Variants in SLC41A1 observed in about 807,000 individuals in gnomAD.
SLC41A1 encodes solute carrier family 41 (magnesium transporter), member 1.
In SLC41A1, 20 loss-of-function variants were observed where a neutral mutation model predicts 47.3. The observed-to-expected ratio is 0.42, with a 90% CI of 0.30 to 0.61. The LOEUF (loss-of-function observed/expected upper bound fraction) is 0.61, where lower values mean the gene tolerates loss of function less well. Ranked by LOEUF, SLC41A1 falls within the 20% of genes least tolerant of loss-of-function variation. The probability of loss-of-function intolerance (pLI) is 0.17; values close to 1 mark genes in which losing one functional copy is unlikely to be tolerated. For synonymous variants in SLC41A1, 282 were observed against 272.7 expected, an observed-to-expected ratio of 1.03 and a Z score of -0.34; for missense variants, 504 against 674.1, an observed-to-expected ratio of 0.75 and a Z score of 2.79.
At chr1:205,799,302 T>G (rs1181585022) in intron 4 of SLC41A1, among the ~76,000 whole-genome samples, 1 of 152,218 alleles carries the variant, frequency 6.6e-6, no homozygotes, top group Non-Finnish European at 1.5e-5. Context: ...GGCAGTGCAC[T>G]CTGCAGGAGC....
rs1459727965 is a variant in SLC41A1, at chr1:205,791,433, A to G, written c.*100T>C. On this transcript the variant is annotated 3_prime_UTR_variant, in exon 11 of 11. Transcript: ENST00000367137. This position sits in a 1 kb window ranked among gnomAD's most constrained non-coding sequence, Gnocchi z 4.0. ...GAATTTGGTATCAAAGTGAAGTCCT[A>G]GAAAGAGGTGGGAGTGTGGGGTGGA... 5 of 1,394,542 alleles carry G rather than the reference A, an allele frequency of 3.6e-6. No homozygotes were observed. Among genetic ancestry groups the G allele is most frequent in the Admixed American group, 1.8e-5 (1 of 54,164 alleles). 86.4% of individuals were successfully genotyped at this position (1,394,542 alleles called of 1,614,324 possible).
At chr1:205,794,748 T>A in intron 10 of SLC41A1, 122 bp downstream of exon 10, 1 of 1,328,546 alleles carries the variant, frequency 7.5e-7, no homozygotes, top group Non-Finnish European at 1.1e-6. Context: ...CTGGTGTTTA[T>A]CAGCTGCCCT....
rs370399191 is a variant in SLC41A1 at position 205,798,939 on chromosome 1, A to G, written c.697+18T>C. On this transcript the variant is annotated intron_variant, in intron 5 of 10. Coordinates refer to ENST00000367137, the MANE Select transcript of SLC41A1 (RefSeq NM_173854.6). ...CTGGGGCGGCACTCCTTACTCCTCT[A>G]TGCCCTCCCTTTCTTACCCAGTACC... is the stretch of plus-strand genomic sequence containing the variant. 5.0e-6 allele frequency: 8 copies of G among 1,614,024 alleles called. No individual in the cohort carries two copies. The highest frequency in any genetic ancestry group is 1.7e-5 in the Admixed American group (1 of 60,006).
chr1:205,812,825 G>C lies in SLC41A1; in HGVS notation c.-664C>G. On this transcript the variant is annotated 5_prime_UTR_variant, in exon 1 of 11. Transcript: ENST00000367137. ...GGACTGACCTGCCCCTCGCCTGGGA[G>C]GAAGGGGGGCGCCTGGCAAGTGGCA... The C allele has an allele frequency of 2.0e-6, 2 of 985,282 alleles. No homozygotes were observed. Among genetic ancestry groups the C allele is most frequent in the Non-Finnish European group, 2.4e-6 (2 of 829,862 alleles). 61.0% of individuals were successfully genotyped at this position (985,282 alleles called of 1,614,324 possible).
In SLC41A1 at chr1:205,799,777, C is replaced by T. The variant is rs757592191; in HGVS notation, c.534G>A (p.Gly178=). Residue 178 remains glycine (G), a synonymous_variant, in exon 4 of 11, where the codon GGG becomes GGA. Coordinates refer to ENST00000367137, the MANE Select transcript of SLC41A1 (RefSeq NM_173854.6). The part of the protein sequence containing the change: ...TPKELWRMIT[G]NMALIQVQAT... Reference sequence around the variant, plus strand: ...TTCTTACCTGGATGAGGGCCATGTTCCCAGTGATCATCCGCCAGAGCTCCT... The same window carrying T: ...TTCTTACCTGGATGAGGGCCATGTTTCCAGTGATCATCCGCCAGAGCTCCT... 6.2e-7 allele frequency: 1 copy of T among 1,614,116 alleles called. No homozygotes were observed.
intron 2 of SLC41A1, chr1:205,801,321 C>G (rs1301710657): frequency 6.8e-6 from 3 of 438,598 alleles, no homozygotes; most frequent in African/African-American, 6.0e-5. Flanking sequence ...CTGGCCCTAC[C>G]TTTTCTGTTT....
intron 3 of SLC41A1, 36 bp downstream of exon 3, chr1:205,800,917 T>C: frequency 6.3e-7 from 1 of 1,574,816 alleles, no homozygotes; most frequent in Non-Finnish European, 8.7e-7. Context: ...CCCAGAGTCC[T>C]CTCTGTGCCC....
At chr1:205,804,650 G>A (rs1035840613) in intron 2 of SLC41A1, among the ~76,000 whole-genome samples, 1 of 152,026 alleles carries the variant, frequency 6.6e-6, no homozygotes, top group Non-Finnish European at 1.5e-5. Context: ...GCTCTGCTTC[G>A]CCTCCTGCTT....
chr1:205,799,827 T>C lies in SLC41A1; in HGVS notation c.484A>G (p.Asn162Asp), dbSNP rs771988040. The C allele has an allele frequency of 6.2e-7, 1 of 1,614,084 alleles. No individual in the cohort carries two copies. The highest frequency in any genetic ancestry group is 1.1e-5 in the South Asian group (1 of 91,056). ...TLASRLSTAA[N>D]IGHMDTPKEL... ...TTGGGTGTGTCCATGTGTCCAATGT[T>C]GGCCTGGGAAAGGGAGGGCAAGGGG... Residue 162 changes from asparagine to aspartate, a missense_variant, in exon 4 of 11, where the codon AAC (asparagine) becomes GAC (aspartate). Around this residue, in one of 2 missense-constraint regions of SLC41A1, gnomAD observed 421 missense variants for 601.6 expected, o/e 0.70. Coordinates refer to ENST00000367137, the MANE Select transcript of SLC41A1 (RefSeq NM_173854.6).
At position 205,797,977 on chromosome 1, in the gene SLC41A1, G is replaced by C; in HGVS notation, c.919C>G (p.Arg307Gly). The C allele has an allele frequency of 1.2e-6, 2 of 1,614,100 alleles. No individual in the cohort carries two copies. The highest frequency in any genetic ancestry group is 1.7e-6 in the Non-Finnish European group (2 of 1,180,020). ...ALLPVWVVLA[R>G]RSPATREVLY... The stretch of plus-strand genomic sequence containing the variant: ...ACCTCCCTTGTGGCTGGACTTCGTC[G>C]GGCCAGCACCACCCAGACAGGCAGC... The change falls in exon 7 of 11, where the codon CGA (arginine) becomes GGA (glycine). Residue 307 changes from arginine (R) to glycine (G), a missense_variant. This residue lies in a region of SLC41A1 where 421 missense variants were observed against 601.6 expected (regional missense o/e 0.70). Transcript: ENST00000367137.
In SLC41A1 at chr1:205,812,830, G is replaced by A; in HGVS notation, c.-669C>T. ...GACCTGCCCCTCGCCTGGGAGGAAG[G>A]GGGGCGCCTGGCAAGTGGCAGCGTG... On this transcript the variant is annotated 5_prime_UTR_variant, in exon 1 of 11. Transcript: ENST00000367137. 5 of 985,296 alleles carry A rather than the reference G, an allele frequency of 5.1e-6. No individual in the cohort carries two copies. The highest frequency in any genetic ancestry group is 3.6e-6 in the Non-Finnish European group (3 of 829,892). The allele number at this position is 985,296 out of a possible 1,614,324, so 61.0% of individuals were successfully genotyped here.
At position 205,810,422 on chromosome 1, in the gene SLC41A1, G is replaced by A. The variant is rs759228574; in HGVS notation, c.20C>T (p.Pro7Leu). The change falls in exon 2 of 11, where the codon CCG becomes CTG. Residue 7 changes from proline (P) to leucine (L), a missense_variant. This residue lies in a region of SLC41A1 where 83 missense variants were observed against 72.5 expected (regional missense o/e 1.15). Coordinates refer to ENST00000367137, the MANE Select transcript of SLC41A1 (RefSeq NM_173854.6). This position sits in a 1 kb window ranked among gnomAD's most constrained non-coding sequence, Gnocchi z 5.5. MSSKPE[P>L]KDVHQLNGTG... Reference sequence around the variant, plus strand: ...CCCGTTCAGTTGGTGGACGTCCTTCGGCTCTGGCTTAGAGGACATGACAGG... The same window carrying A: ...CCCGTTCAGTTGGTGGACGTCCTTCAGCTCTGGCTTAGAGGACATGACAGG... The A allele has an allele frequency of 5.0e-6, 8 of 1,614,096 alleles. No homozygotes were observed. Among genetic ancestry groups the A allele is most frequent in the African/African-American group, 2.7e-5 (2 of 74,918 alleles).
chr1:205,794,711 CTACCATCTG>C (rs1029085993), intron 10 of SLC41A1, among the ~76,000 whole-genome samples, 150 bp downstream of exon 10: 1 of 152,156 alleles, frequency 6.6e-6, no homozygotes, highest in African/African-American at 2.4e-5. Context: ...TCTACTGGAA[CTACCATCTG>C]TTCTCCTGCA....
In SLC41A1 at chr1:205,795,498, C is replaced by G; in HGVS notation, c.1073-20G>C. The G allele has an allele frequency of 6.2e-7, 1 of 1,614,080 alleles. No homozygotes were observed. The highest frequency in any genetic ancestry group is 1.3e-5 in the African/African-American group (1 of 75,034). On this transcript the variant is annotated intron_variant, in intron 8 of 10. Coordinates refer to ENST00000367137, the MANE Select transcript of SLC41A1 (RefSeq NM_173854.6). ...CAACACCTGCAGAGACACATACGGGCTTAGACACAGACAGAGGTCAGAGGG... is the reference window on the plus strand; with the variant it reads ...CAACACCTGCAGAGACACATACGGGGTTAGACACAGACAGAGGTCAGAGGG...
At position 205,798,942 on chromosome 1, in the gene SLC41A1, C is replaced by A. The variant is rs1655808975; in HGVS notation, c.697+15G>T. The A allele has an allele frequency of 6.2e-7, 1 of 1,614,130 alleles. No individual in the cohort carries two copies. Among genetic ancestry groups the A allele is most frequent in the Non-Finnish European group, 8.5e-7 (1 of 1,180,026 alleles). ...GGGCGGCACTCCTTACTCCTCTATG[C>A]CCTCCCTTTCTTACCCAGTACCAGG... is the stretch of plus-strand genomic sequence containing the variant. On this transcript the variant is annotated intron_variant, in intron 5 of 10. Coordinates refer to ENST00000367137, the MANE Select transcript of SLC41A1 (RefSeq NM_173854.6).
rs929165743 is a variant in SLC41A1, at chr1:205,813,165, G to A, written c.-1004C>T. The A allele has an allele frequency of 2.0e-6, 2 of 985,360 alleles. No individual in the cohort carries two copies. The highest frequency in any genetic ancestry group is 2.4e-6 in the Non-Finnish European group (2 of 829,994). The allele number at this position is 985,360 out of a possible 1,614,324, so 61.0% of individuals were successfully genotyped here. ...CCCGCGGACTCGGGCCCAACTGGTT[G>A]GCTGCCGGTGGCAAACGTGATCTGG... On this transcript the variant is annotated 5_prime_UTR_variant, in exon 1 of 11. Coordinates refer to ENST00000367137, the MANE Select transcript of SLC41A1 (RefSeq NM_173854.6).
Position 205,799,010 on chromosome 1 carries a change from A to C in SLC41A1, c.644T>G (p.Phe215Cys). ...GGCCACGCTGCTAGCACAGAGCAGGAAGGCGTGCGGAATACTGAAGTGGCC... is the reference window on the plus strand; with the variant it reads ...GGCCACGCTGCTAGCACAGAGCAGGCAGGCGTGCGGAATACTGAAGTGGCC... ...PDGHFSIPHAFLLCASSVATA... is the reference protein window; with the variant it reads ...PDGHFSIPHACLLCASSVATA... Residue 215 changes from phenylalanine to cysteine, a missense_variant, in exon 5 of 11, where the codon TTC becomes TGC. Phe to Cys is a radical substitution (Grantham distance 205). Around this residue, in one of 2 missense-constraint regions of SLC41A1, gnomAD observed 421 missense variants for 601.6 expected, o/e 0.70. Transcript: ENST00000367137. The C allele has an allele frequency of 6.2e-7, 1 of 1,614,048 alleles. No homozygotes were observed. The highest frequency in any genetic ancestry group is 8.5e-7 in the Non-Finnish European group (1 of 1,180,032).
intron 2 of SLC41A1, among the ~76,000 whole-genome samples, chr1:205,802,626 G>C (rs1342573682): frequency 3.3e-5 from 5 of 151,860 alleles, no homozygotes; most frequent in Non-Finnish European, 7.4e-5. Flanking sequence ...GCTGAGGCAG[G>C]AGAATCGCTT....
At chr1:205,797,049 T>A (rs1306598040) in intron 7 of SLC41A1, 46 bp from the exon 8 acceptor site, 2 of 1,550,192 alleles carry the variant, frequency 1.3e-6, no homozygotes, top group East Asian at 4.5e-5. Context: ...ACTGAAGGGT[T>A]CTGCCTTAGT....
Sources: allele counts gnomAD v4.1 joint callset (sites outside exome capture counted in the v4.1 genomes callset), GRCh38; gene constraint gnomAD v4.1.1; regional missense constraint gnomAD v4.1.1; non-coding constraint Gnocchi (gnomAD v3.1); transcripts MANE v1.5; gene names NCBI Gene and HGNC (gene_info 2026-07-23, HGNC 2026-07-21).